The following B3GAT2 variants were observed in gnomAD, a reference collection of about 807,000 sequenced individuals.
B3GAT2 encodes beta-1,3-glucuronyltransferase 2.
Under a neutral mutation model 27.8 loss-of-function variants are expected in B3GAT2, and 26 were observed. The observed-to-expected ratio is 0.93, with a 90% CI of 0.68 to 1.30. The LOEUF (loss-of-function observed/expected upper bound fraction) is 1.30. Among genes scored for constraint, B3GAT2 ranks in the 50% most tolerant of loss-of-function variants. The probability of loss-of-function intolerance (pLI) is 0.00; values close to 1 mark genes in which losing one functional copy is unlikely to be tolerated. For synonymous variants in B3GAT2, 218 were observed against 195.1 expected (o/e 1.12, Z -0.98); for missense variants, 458 against 459.0 (o/e 1.00, Z 0.02).
intron 1 of B3GAT2, among the ~76,000 whole-genome samples, chr6:70,909,250 T>C (rs1444461017): frequency 6.6e-6 from 1 of 152,078 alleles, no homozygotes. Context: ...ACCTCCTTAA[T>C]TGGGAAAAGA....
chr6:70,860,017 G>T lies in B3GAT2; in HGVS notation c.*1646C>A. ...TCTTTGGGGAAACTGTATCTAGAAA[G>T]TAGATAAAGAAGGGAACAAAGTAGC... On this transcript the variant is annotated 3_prime_UTR_variant, in exon 4 of 4. Coordinates refer to ENST00000230053, the MANE Select transcript of B3GAT2 (RefSeq NM_080742.3). 1.8e-6 allele frequency: 1 copy of T among 547,238 alleles called. No individual in the cohort carries two copies. The allele number at this position is 547,238 out of a possible 1,614,324, so 33.9% of individuals were successfully genotyped here.
At chr6:70,893,052 G>A (rs932306202) in intron 2 of B3GAT2, among the ~76,000 whole-genome samples, 1 of 152,194 alleles carries the variant, frequency 6.6e-6, no homozygotes, top group Non-Finnish European at 1.5e-5. Context: ...TGTGTTAAAT[G>A]TTGAGTAAAA....
rs943177698 is a variant in B3GAT2, at chr6:70,957,055, A to C, written c.-626T>G. On this transcript the variant is annotated 5_prime_UTR_variant, in exon 1 of 4. Coordinates refer to ENST00000230053, the MANE Select transcript of B3GAT2 (RefSeq NM_080742.3). ...GTCTTCTCAGAACCTCTCCGGATCC[A>C]GCAGCAAGATCCCAAAGCAAGGAAA... 15 of 986,128 alleles carry C rather than the reference A, an allele frequency of 1.5e-5. No homozygotes were observed. In the African/African-American group the frequency reaches 2.6e-4, roughly 17 times the overall value. 61.1% of individuals were successfully genotyped at this position (986,128 alleles called of 1,614,324 possible).
chr6:70,953,857 T>C (rs1406482346), intron 1 of B3GAT2, among the ~76,000 whole-genome samples: 1 of 152,176 alleles, frequency 6.6e-6, no homozygotes, highest in African/African-American at 2.4e-5. Flanking sequence ...TATGGACTAA[T>C]GAAAAACCTA....
At chr6:70,928,725 A>G (rs1447535225) in intron 1 of B3GAT2, among the ~76,000 whole-genome samples, 1 of 152,254 alleles carries the variant, frequency 6.6e-6, no homozygotes, top group Non-Finnish European at 1.5e-5. Context: ...GCCACAGACC[A>G]GACATATTCA....
intron 1 of B3GAT2, among the ~76,000 whole-genome samples, chr6:70,912,481 C>G (rs563093597): frequency 6.6e-6 from 1 of 152,234 alleles, no homozygotes; most frequent in East Asian, 1.9e-4. Flanking sequence ...ATAAAGCCTA[C>G]TTGGATCATG....
At chr6:70,925,571 A>C (rs1451975063) in intron 1 of B3GAT2, among the ~76,000 whole-genome samples, 1 of 152,208 alleles carries the variant, frequency 6.6e-6, no homozygotes, top group South Asian at 2.1e-4. Flanking sequence ...CCGAGATCAA[A>C]CTGCAAGACG....
chr6:70,885,729 A>T (rs1471323250), intron 2 of B3GAT2, among the ~76,000 whole-genome samples: 1 of 152,204 alleles, frequency 6.6e-6, no homozygotes, highest in Non-Finnish European at 1.5e-5. Flanking sequence ...TATTCGTTTT[A>T]CTTCAACCTC....
rs753745426 is a variant in B3GAT2 at position 70,861,038 on chromosome 6, AAAAC to A, written c.*621_*624del. The A allele has an allele frequency of 3.7e-5, 9 of 244,448 alleles. No homozygotes were observed. The highest frequency in any genetic ancestry group is 1.3e-4 in the African/African-American group (6 of 45,292). 15.1% of individuals were successfully genotyped at this position (244,448 alleles called of 1,614,324 possible). A position where few individuals can be genotyped will look rare whatever the true frequency, so the allele number is the denominator to read the frequency against. On this transcript the variant is annotated 3_prime_UTR_variant, in exon 4 of 4. Coordinates refer to ENST00000230053, the MANE Select transcript of B3GAT2 (RefSeq NM_080742.3). ...CTATATGCAAACAGGGTAACTAACT[AAAAC>A]AAAGCCACTTTCAATCTTCAATCCT...
chr6:70,898,893 G>A (rs1474909713), intron 1 of B3GAT2, among the ~76,000 whole-genome samples: 1 of 152,058 alleles, frequency 6.6e-6, no homozygotes, highest in Non-Finnish European at 1.5e-5. Context: ...AGCCCGGGAA[G>A]TAGAGGTTGC....
chr6:70,956,995 C>T lies in B3GAT2; in HGVS notation c.-566G>A. 15 of 1,000,412 alleles carry T rather than the reference C, an allele frequency of 1.5e-5. No homozygotes were observed. Among genetic ancestry groups the T allele is most frequent in the Non-Finnish European group, 1.8e-5 (15 of 840,366 alleles). The allele number at this position is 1,000,412 out of a possible 1,614,324, so 62.0% of individuals were successfully genotyped here. ...GTTGTGTCCCGGCTGTGTTCGCGCG[C>T]CGCAGCGGAAGCCTGCTCTCAGTCC... On this transcript the variant is annotated 5_prime_UTR_variant, in exon 1 of 4. Coordinates refer to ENST00000230053, the MANE Select transcript of B3GAT2 (RefSeq NM_080742.3).
chr6:70,859,388 G>A lies in B3GAT2; in HGVS notation c.*2275C>T, dbSNP rs947367226. The A allele has an allele frequency of 1.0e-5, 16 of 1,548,760 alleles. 1 individual carries two copies. The Admixed American group carries it at 1.6e-4, about 15-fold the overall frequency. ...CCATCAGTGCAATCTACTGGCCAAT[G>A]ACAAGGTGGTTAAAATGTCCTTTAG... On this transcript the variant is annotated 3_prime_UTR_variant, in exon 4 of 4. Transcript: ENST00000230053.
chr6:70,861,860 T>C lies in B3GAT2; in HGVS notation c.855A>G (p.Glu285=). 3 of 1,614,124 alleles carry C rather than the reference T, an allele frequency of 1.9e-6. No individual in the cohort carries two copies. The highest frequency in any genetic ancestry group is 2.5e-6 in the Non-Finnish European group (3 of 1,179,984). The change falls in exon 3 of 4, where the codon GAA becomes GAG. Residue 285 remains glutamate, a synonymous_variant. Transcript: ENST00000230053. ...DFLKQITTVE[E]LEPKANNCTK... ...TGCAGTTATTTGCTTTCGGTTCCAG[T>C]TCTTCGACTGTTGTTATCTGTTTGA... is the stretch of plus-strand genomic sequence containing the variant.
chr6:70,953,511 A>C (rs975394907), intron 1 of B3GAT2, among the ~76,000 whole-genome samples: 2 of 152,222 alleles, frequency 1.3e-5, no homozygotes, highest in Non-Finnish European at 2.9e-5. Context: ...TAATCTGTCC[A>C]AAAACAATGC....
chr6:70,919,670 G>T (rs550733701), intron 1 of B3GAT2, among the ~76,000 whole-genome samples: 1 of 152,324 alleles, frequency 6.6e-6, no homozygotes, highest in African/African-American at 2.4e-5. Flanking sequence ...CTGCAGGTCT[G>T]TTGGAGTTTG....
chr6:70,950,339 A>G (rs1765559885), intron 1 of B3GAT2, among the ~76,000 whole-genome samples: 1 of 152,138 alleles, frequency 6.6e-6, no homozygotes. Flanking sequence ...ACAAAAAGGA[A>G]AAAAGTAACA....
Position 70,956,844 on chromosome 6 carries a change from C to T in B3GAT2, c.-415G>A. 1 of 1,039,214 alleles carries T rather than the reference C, an allele frequency of 9.6e-7. No individual in the cohort carries two copies. The allele number at this position is 1,039,214 out of a possible 1,614,324, so 64.4% of individuals were successfully genotyped here. On this transcript the variant is annotated 5_prime_UTR_variant, in exon 1 of 4. In the 5' UTR this introduces an upstream ATG that the reference lacks. Transcript: ENST00000230053. ...CTCCAGTCCGGCGGTGCTGCGGGCACAAGGGCTCCAGCCGCGGGCCCCCAG... is the reference window on the plus strand; with the variant it reads ...CTCCAGTCCGGCGGTGCTGCGGGCATAAGGGCTCCAGCCGCGGGCCCCCAG...
intron 1 of B3GAT2, among the ~76,000 whole-genome samples, chr6:70,935,024 A>T (rs1017598670): frequency 1.3e-5 from 2 of 152,230 alleles, no homozygotes; most frequent in African/African-American, 4.8e-5. Context: ...AAAACTTTAA[A>T]TTCTATCTAT....
At chr6:70,867,929 A>T (rs1771877749) in intron 2 of B3GAT2, among the ~76,000 whole-genome samples, 1 of 152,174 alleles carries the variant, frequency 6.6e-6, no homozygotes, top group South Asian at 2.1e-4. Context: ...AATCAAATTC[A>T]ACAATAAAAA....
Sources: gnomAD v4.1 joint callset for allele counts (sites outside exome capture counted in the v4.1 genomes callset) on GRCh38, gnomAD v4.1.1 for gene constraint, MANE v1.5 for transcripts, NCBI Gene and HGNC (gene_info 2026-07-23, HGNC 2026-07-21) for gene names.